AUTS2: variants seen among roughly 807,000 people sequenced by gnomAD.
AUTS2 encodes the protein activator of transcription and developmental regulator AUTS2.
In AUTS2, 17 loss-of-function variants were observed where a neutral mutation model predicts 112.4. The observed-to-expected ratio is 0.15, with a 90% CI of 0.10 to 0.23. The LOEUF is 0.23. Ranked by LOEUF, AUTS2 falls within the 10% of genes least tolerant of loss-of-function variation. The pLI is 1.00. For missense variants in AUTS2, 1,510 were observed against 1,701.6 expected (o/e 0.89, Z 1.98); for synonymous variants, 751 against 702.7 (o/e 1.07, Z -1.09).
intron 4 of AUTS2, among the ~76,000 whole-genome samples, chr7:70,192,255 C>T (rs180999983): frequency 1.3e-5 from 2 of 152,192 alleles, no homozygotes; most frequent in Non-Finnish European, 2.9e-5. Flanking sequence ...GAAAGACAGT[C>T]TCTTTTATTT....
intron 2 of AUTS2, among the ~76,000 whole-genome samples, chr7:69,917,120 C>T (rs948897430): frequency 6.6e-6 from 1 of 151,972 alleles, no homozygotes; most frequent in Non-Finnish European, 1.5e-5. Flanking sequence ...TTCAAAATGT[C>T]CTTCTGCCTC....
chr7:69,615,837 C>T lies in AUTS2; in HGVS notation c.309+15875C>T, dbSNP rs1176620660. ...GTCATTACTTCCATCTTCCAAGAAG[C>T]ACTCCTGTAGCATGCTGACAGCAAT... On this transcript the variant is annotated intron_variant, in intron 1 of 18. Transcript: ENST00000342771. 4.6e-5 allele frequency among the ~76,000 whole-genome samples: 7 copies of T among 152,336 alleles called. No individual in the cohort carries two copies. In the East Asian group the frequency reaches 1.2e-3, roughly 25 times the overall value.
intron 6 of AUTS2, among the ~76,000 whole-genome samples, chr7:70,760,959 A>G (rs1380359085): frequency 6.6e-6 from 1 of 152,218 alleles, no homozygotes; most frequent in Admixed American, 6.5e-5. Context: ...CTGTTTGGAG[A>G]GACCTGAAGA....
At chr7:70,011,664 G>T (rs567529908) in intron 2 of AUTS2, among the ~76,000 whole-genome samples, 21 of 152,250 alleles carry the variant, frequency 1.4e-4, no homozygotes, top group Non-Finnish European at 3.1e-4. Flanking sequence ...GAGTCTTTTG[G>T]ACTGGTGGCC....
Position 70,787,371 on chromosome 7 carries a change from A to C in AUTS2, c.2471A>C (p.His824Pro). The C allele has an allele frequency of 6.2e-7, 1 of 1,614,104 alleles. No individual in the cohort carries two copies. Among genetic ancestry groups the C allele is most frequent in the Non-Finnish European group, 8.5e-7 (1 of 1,179,964 alleles). Residue 824 changes from histidine to proline, a missense_variant, in exon 18 of 19, where the codon CAT becomes CCT. By Grantham distance (77) the His-to-Pro change is moderately conservative (BLOSUM62 -2). This residue lies in a region of AUTS2 where 788 missense variants were observed against 797.6 expected (regional missense o/e 0.99). Coordinates refer to ENST00000342771, the MANE Select transcript of AUTS2 (RefSeq NM_015570.4). ...GAGCGCAGCGCGTCCGCTGCAGCTC[A>C]TGACAGAGATAGAGATGTAGATAAA... ...ELERSASAAAHDRDRDVDKRD... is the reference protein window; with the variant it reads ...ELERSASAAAPDRDRDVDKRD...
intron 1 of AUTS2, among the ~76,000 whole-genome samples, chr7:69,794,707 C>T (rs944179464): frequency 3.3e-5 from 5 of 152,108 alleles, no homozygotes; most frequent in South Asian, 2.1e-4. Context: ...CACTCAATTA[C>T]GCAGGGCTCT....
chr7:70,711,411 C>G (rs540757179), intron 6 of AUTS2, among the ~76,000 whole-genome samples: 36 of 152,294 alleles, frequency 2.4e-4, no homozygotes, highest in Non-Finnish European at 2.9e-5. Flanking sequence ...CAAAATAGAC[C>G]TTCACCTGAG....
chr7:69,955,701 T>G (rs1390106688), intron 2 of AUTS2, among the ~76,000 whole-genome samples: 2 of 152,102 alleles, frequency 1.3e-5, no homozygotes, highest in Non-Finnish European at 2.9e-5. Context: ...ACCCAAAGTT[T>G]AGGGCCTCAA....
At chr7:70,604,807 A>G (rs35885390) in intron 5 of AUTS2, among the ~76,000 whole-genome samples, 4,902 of 152,334 alleles carry the variant, frequency 0.032, 96 homozygotes, top group Middle Eastern at 0.051. Context: ...TGTGGCATCT[A>G]GCTGCAAGGG....
intron 4 of AUTS2, among the ~76,000 whole-genome samples, chr7:70,383,664 A>T (rs1205762006): frequency 6.6e-6 from 1 of 152,158 alleles, no homozygotes; most frequent in African/African-American, 2.4e-5. Flanking sequence ...TTGACAAAAA[A>T]GTCTGTTTTT....
chr7:69,838,512 G>A (rs1263715043), intron 1 of AUTS2, among the ~76,000 whole-genome samples: 1 of 152,032 alleles, frequency 6.6e-6, no homozygotes, highest in Non-Finnish European at 1.5e-5. Flanking sequence ...ATAGAGCTGG[G>A]GTTTGTACCC....
chr7:70,431,255 C>G (rs1045885814), intron 4 of AUTS2, among the ~76,000 whole-genome samples: 1 of 152,116 alleles, frequency 6.6e-6, no homozygotes, highest in South Asian at 2.1e-4. Context: ...ATTTTTATTT[C>G]TTAAAATGTA....
At chr7:70,042,423 T>A (rs1278846247) in intron 2 of AUTS2, among the ~76,000 whole-genome samples, 5 of 152,174 alleles carry the variant, frequency 3.3e-5, no homozygotes, top group African/African-American at 1.2e-4. Context: ...TTTGTGTAGC[T>A]TAATTGCTGA....
At chr7:70,056,088 AGCGATT>A (rs1801981717) in intron 2 of AUTS2, among the ~76,000 whole-genome samples, 1 of 151,910 alleles carries the variant, frequency 6.6e-6, no homozygotes, top group Non-Finnish European at 1.5e-5. Context: ...CCCGGGTTCT[AGCGATT>A]CTCCTGCCTC....
intron 1 of AUTS2, among the ~76,000 whole-genome samples, chr7:69,780,970 TTA>T (rs1474362802): frequency 6.6e-6 from 1 of 152,214 alleles, no homozygotes. Flanking sequence ...TAAATTAGAA[TTA>T]TAGTTCAAAA....
At chr7:70,394,319 T>C (rs1053696207) in intron 4 of AUTS2, among the ~76,000 whole-genome samples, 9 of 152,140 alleles carry the variant, frequency 5.9e-5, no homozygotes, top group African/African-American at 1.9e-4. Flanking sequence ...TAGTCCCCAT[T>C]TTACAGATGA....
rs60553891 is a variant in AUTS2, at chr7:69,850,398, C to CAAAAAAAAAAAAAA, written c.310-48864_310-48851dup. ...TGGGCAACAGAGCGAAACTCTGTCT[C>CAAAAAAAAAAAAAA]AAAAAAAAAAAAAAAAAAAAAAAAA... is the stretch of plus-strand genomic sequence containing the variant. On this transcript the variant is annotated intron_variant, in intron 1 of 18. Coordinates refer to ENST00000342771, the MANE Select transcript of AUTS2 (RefSeq NM_015570.4). Among the ~76,000 whole-genome samples the CAAAAAAAAAAAAAA allele has an allele frequency of 1.4e-3, 47 of 34,678 alleles. 13 individuals are homozygous for CAAAAAAAAAAAAAA. Among genetic ancestry groups the CAAAAAAAAAAAAAA allele is most frequent in the African/African-American group, 1.6e-3 (18 of 11,612 alleles). 22.8% of individuals were successfully genotyped at this position (34,678 alleles called of 152,430 possible).
intron 4 of AUTS2, among the ~76,000 whole-genome samples, chr7:70,269,953 C>T (rs1470840191): frequency 6.6e-6 from 1 of 152,100 alleles, no homozygotes; most frequent in East Asian, 1.9e-4. Context: ...GTGGAAGGAT[C>T]GCTTAAGCAT....
chr7:69,722,147 A>C (rs2129216609), intron 1 of AUTS2, among the ~76,000 whole-genome samples: 1 of 149,892 alleles, frequency 6.7e-6, no homozygotes, highest in East Asian at 1.9e-4. Context: ...CTCACAATGA[A>C]GGGCAAAAAA....
Sources: allele counts gnomAD v4.1 joint callset (sites outside exome capture counted in the v4.1 genomes callset), GRCh38; gene constraint gnomAD v4.1.1; regional missense constraint gnomAD v4.1.1; transcripts MANE v1.5; gene names NCBI Gene and HGNC (gene_info 2026-07-23, HGNC 2026-07-21).